The following ADAM11 variants were observed in gnomAD, a reference collection of about 807,000 sequenced individuals.
ADAM11 encodes the protein ADAM metallopeptidase domain 11, also known as disintegrin and metalloproteinase domain-containing protein 11.
ADAM11 carries 49 observed loss-of-function variants against 119.1 expected under a neutral mutation model. The observed-to-expected ratio is 0.41, with a 90% CI of 0.33 to 0.52. ADAM11 has a LOEUF of 0.52. ADAM11 is among the 20% of genes least tolerant of loss of function. ADAM11 has a pLI of 0.20. For synonymous variants in ADAM11, 364 were observed against 408.0 expected (o/e 0.89, Z 1.30); for missense variants, 777 against 1,047.5 (o/e 0.74, Z 3.56).
Position 44,779,774 on chromosome 17 carries a change from A to G in ADAM11, c.*20A>G, listed in dbSNP as rs753805985. 1 of 1,611,938 alleles carries G rather than the reference A, an allele frequency of 6.2e-7. No homozygotes were observed. Among genetic ancestry groups the G allele is most frequent in the Non-Finnish European group, 8.5e-7 (1 of 1,179,428 alleles). On this transcript the variant is annotated 3_prime_UTR_variant, in exon 27 of 27. Coordinates refer to ENST00000200557, the MANE Select transcript of ADAM11 (RefSeq NM_002390.6). ...GCCTAAGTGCCACCCTCCTCCCTCC[A>G]AGCCTGGCACCCACCGTCTCGGCCC...
At chr17:44,759,924 G>C (rs758462501) in intron 2 of ADAM11, 27 bp downstream of exon 2, 2 of 1,266,208 alleles carry the variant, frequency 1.6e-6, no homozygotes, top group Admixed American at 4.0e-5. Context: ...GGTGAGGCCA[G>C]GGGCTGAAGC....
intron 2 of ADAM11, among the ~76,000 whole-genome samples, chr17:44,762,183 C>T (rs4793148): frequency 6.6e-6 from 1 of 152,194 alleles, no homozygotes; most frequent in East Asian, 1.9e-4. Flanking sequence ...AGAGGGATGA[C>T]GTAAATTGCC....
At chr17:44,764,217 T>C (rs2049421583) in intron 2 of ADAM11, among the ~76,000 whole-genome samples, 1 of 152,086 alleles carries the variant, frequency 6.6e-6, no homozygotes, top group Admixed American at 6.5e-5. Flanking sequence ...TGGGCTAAGC[T>C]CTTGTGAGAG....
chr17:44,769,674 A>C, intron 2 of ADAM11, 44 bp from the exon 3 acceptor site: 3 of 1,422,832 alleles, frequency 2.1e-6, no homozygotes, highest in Non-Finnish European at 3.0e-6. Flanking sequence ...TCCCACCTTC[A>C]GGCCTCCCTG....
chr17:44,777,486 G>A lies in ADAM11; in HGVS notation c.1786G>A (p.Val596Met), dbSNP rs776624927. The change falls in exon 22 of 27, where the codon GTG becomes ATG. Residue 596 changes from valine to methionine, a missense_variant. Around this residue, in one of 4 missense-constraint regions of ADAM11, gnomAD observed 348 missense variants for 486.7 expected, o/e 0.72. Transcript: ENST00000200557. The surrounding 1 kb of genome is among the most constrained non-coding windows in gnomAD (Gnocchi z 5.1). ...SGWVQCSKQD[V>M]LCGFLLCVNI... is the part of the protein sequence containing the mutation. ...TGTCTCTATATGCCCCAACAGGGAC[G>A]TGCTGTGTGGCTTCCTCCTCTGTGT... 9.3e-6 allele frequency: 15 copies of A among 1,614,134 alleles called. No homozygotes were observed. Among genetic ancestry groups the A allele is most frequent in the Admixed American group, 3.3e-5 (2 of 60,018 alleles).
At position 44,773,438 on chromosome 17, in the gene ADAM11, C is replaced by A; in HGVS notation, c.992+11C>A. 1 of 1,609,464 alleles carries A rather than the reference C, an allele frequency of 6.2e-7. No homozygotes were observed. Among genetic ancestry groups the A allele is most frequent in the Non-Finnish European group, 8.5e-7 (1 of 1,177,074 alleles). ...CACCCACCTCTTCTCGTGAGTCCCC[C>A]ACCCTGCACCTCCTGCCAGCCTCTG... On this transcript the variant is annotated intron_variant, in intron 11 of 26. Coordinates refer to ENST00000200557, the MANE Select transcript of ADAM11 (RefSeq NM_002390.6). The surrounding 1 kb of genome is among the most constrained non-coding windows in gnomAD (Gnocchi z 4.6).
In ADAM11 at chr17:44,775,684, GGACC is replaced by G; in HGVS notation, c.1485+10_1485+13del. 1 of 1,568,718 alleles carries G rather than the reference GGACC, an allele frequency of 6.4e-7. No homozygotes were observed. The highest frequency in any genetic ancestry group is 2.3e-5 in the East Asian group (1 of 43,150). On this transcript the variant is annotated intron_variant, in intron 17 of 26. Transcript: ENST00000200557. This position sits in a 1 kb window ranked among gnomAD's most constrained non-coding sequence, Gnocchi z 7.5. The stretch of plus-strand genomic sequence containing the variant: ...TGCTGTCGCCGCTGCAAGGTAAGCA[GGACC>G]GGCCGGGAGGCGGGGCCAGGACGCA...
chr17:44,778,490 A>G (rs1387175302), intron 25 of ADAM11, among the ~76,000 whole-genome samples: 4 of 152,056 alleles, frequency 2.6e-5, no homozygotes, highest in African/African-American at 9.7e-5. Flanking sequence ...TCAGGAATTC[A>G]AGACCAGTCT....
chr17:44,778,713 A>AG (rs1555553350), intron 25 of ADAM11, among the ~76,000 whole-genome samples: 8,026 of 78,936 alleles, frequency 0.1, 1,500 homozygotes, highest in African/African-American at 0.12. Flanking sequence ...AAAAAAAAAA[A>AG]GAAAGAAAGA....
Position 44,778,024 on chromosome 17 carries a change from CT to C in ADAM11, c.2144del (p.Leu715ArgfsTer197). ...CAAAGACTGCAGTATCCATAACCCC[CT>C]GCCCACGTCCCCACCCACGGGGGAG... is the stretch of plus-strand genomic sequence containing the variant. ...TGKDCSIHNP[L>X]PTSPPTGETE... On this transcript the variant is annotated frameshift_variant, in exon 24 of 27. Transcript: ENST00000200557. LOFTEE classifies it high-confidence loss of function. 6.2e-7 allele frequency: 1 copy of C among 1,613,958 alleles called. No individual in the cohort carries two copies. Among genetic ancestry groups the C allele is most frequent in the Non-Finnish European group, 8.5e-7 (1 of 1,179,940 alleles).
chr17:44,779,678 TG>T (rs1258800212), intron 26 of ADAM11, 60 bp from the exon 27 acceptor site: 30 of 1,558,814 alleles, frequency 1.9e-5, no homozygotes, highest in Admixed American at 1.3e-4. Flanking sequence ...GGGGCCCTGC[TG>T]GGGGGCTCTC....
chr17:44,777,861 G>T lies in ADAM11; in HGVS notation c.2068G>T (p.Gly690Trp). ...GGAGCGCCGGATTTGCTCCCACCAC[G>T]GGGTGACTGCCTGGAGCCTGGGATG... The part of the protein sequence containing the change: ...SGERRICSHH[G>W]VCSNEGKCIC... Residue 690 changes from glycine to tryptophan, a missense_variant and splice_region_variant, in exon 23 of 27, where the codon GGG becomes TGG. By Grantham distance (184) the Gly-to-Trp change is radical (BLOSUM62 -2). This residue lies in a region of ADAM11 where 348 missense variants were observed against 486.7 expected (regional missense o/e 0.72). Transcript: ENST00000200557. This position sits in a 1 kb window ranked among gnomAD's most constrained non-coding sequence, Gnocchi z 5.1. The T allele has an allele frequency of 6.2e-7, 1 of 1,613,482 alleles. No homozygotes were observed. Among genetic ancestry groups the T allele is most frequent in the Non-Finnish European group, 8.5e-7 (1 of 1,179,956 alleles).
chr17:44,762,672 CTTTTCTGAGCCCCAG>C (rs1239907548), intron 2 of ADAM11, among the ~76,000 whole-genome samples: 6 of 152,122 alleles, frequency 3.9e-5, no homozygotes, highest in Non-Finnish European at 7.4e-5. Flanking sequence ...GGTCGTTTGA[CTTTTCTGAGCCCCAG>C]TTTCCTGTTC....
rs2049675593 is a variant in ADAM11 at position 44,780,314 on chromosome 17, T to G, written c.*560T>G. 1 of 364,108 alleles carries G rather than the reference T, an allele frequency of 2.7e-6. No individual in the cohort carries two copies. The highest frequency in any genetic ancestry group is 2.1e-5 in the African/African-American group (1 of 46,608). 22.6% of individuals were successfully genotyped at this position (364,108 alleles called of 1,614,324 possible). On this transcript the variant is annotated 3_prime_UTR_variant, in exon 27 of 27. Transcript: ENST00000200557. ...TGAGGTATGGCCATGCCCTAGACCC[T>G]CCCCAAGGATGACCACACCCGAAGT... is the stretch of plus-strand genomic sequence containing the variant.
chr17:44,760,183 G>A (rs1006447647), intron 2 of ADAM11, among the ~76,000 whole-genome samples: 3 of 152,240 alleles, frequency 2.0e-5, no homozygotes, highest in African/African-American at 7.2e-5. Flanking sequence ...ATGGCCCCCT[G>A]CTCTGCTCTG....
Position 44,775,276 on chromosome 17 carries a change from G to C in ADAM11, c.1285G>C (p.Gly429Arg). The change falls in exon 15 of 27, where the codon GGT becomes CGT. Residue 429 changes from glycine (G) to arginine (R), a missense_variant. Gly to Arg is a moderately radical substitution (Grantham distance 125). Transcript: ENST00000200557. The surrounding 1 kb of genome is among the most constrained non-coding windows in gnomAD (Gnocchi z 7.5). ...IDEYNQFLQE[G>R]GGSCLFNKPL... is the part of the protein sequence containing the mutation. ...CGAGTACAACCAGTTTCTGCAGGAG[G>C]GTGGTGGCAGCTGCCTCTTCAACAA... The C allele has an allele frequency of 6.2e-7, 1 of 1,613,790 alleles. No homozygotes were observed. Among genetic ancestry groups the C allele is most frequent in the Non-Finnish European group, 8.5e-7 (1 of 1,179,936 alleles).
intron 26 of ADAM11, 39 bp from the exon 27 acceptor site, chr17:44,779,700 C>G (rs1317028323): frequency 6.3e-7 from 1 of 1,576,840 alleles, no homozygotes; most frequent in Non-Finnish European, 8.6e-7. Context: ...CCCGTGGCCC[C>G]TGCTCACGTC....
At chr17:44,761,747 A>G (rs879539300) in intron 2 of ADAM11, among the ~76,000 whole-genome samples, 2 of 152,096 alleles carry the variant, frequency 1.3e-5, no homozygotes, top group African/African-American at 2.4e-5. Context: ...GTGGACTTCT[A>G]TGGGCCACTC....
At chr17:44,764,089 C>A (rs1455188012) in intron 2 of ADAM11, among the ~76,000 whole-genome samples, 1 of 152,118 alleles carries the variant, frequency 6.6e-6, no homozygotes, top group Non-Finnish European at 1.5e-5. Flanking sequence ...ACCCAGACTC[C>A]TTGGGAACAA....
Sources: gnomAD v4.1 joint callset for allele counts (sites outside exome capture counted in the v4.1 genomes callset) on GRCh38, gnomAD v4.1.1 for gene constraint, gnomAD v4.1.1 regional missense constraint, Gnocchi (gnomAD v3.1) non-coding constraint, MANE v1.5 for transcripts, NCBI Gene and HGNC (gene_info 2026-07-23, HGNC 2026-07-21) for gene names.